PID1: variants seen among roughly 807,000 people sequenced by gnomAD.
PID1 encodes PTB-containing, cubilin and LRP1-interacting protein.
Under a neutral mutation model 19.1 loss-of-function variants are expected in PID1, and 10 were observed. The observed-to-expected ratio is 0.52, with a 90% CI of 0.32 to 0.89. The LOEUF (loss-of-function observed/expected upper bound fraction) is 0.89. Among genes scored for constraint, PID1 ranks in the 40% least tolerant of loss-of-function variants. The pLI is 0.03. For missense variants in PID1, 248 were observed against 285.3 expected, an observed-to-expected ratio of 0.87 and a Z score of 0.94; for synonymous variants, 130 against 116.0, an observed-to-expected ratio of 1.12 and a Z score of -0.78.
At chr2:229,071,028 T>A (rs1025152406) in intron 2 of PID1, among the ~76,000 whole-genome samples, 2 of 152,226 alleles carry the variant, frequency 1.3e-5, no homozygotes, top group East Asian at 3.8e-4. Context: ...TTATATCCCA[T>A]AAAGTAAATG....
At chr2:229,195,981 G>T (rs1485055359) in intron 1 of PID1, among the ~76,000 whole-genome samples, 1 of 152,010 alleles carries the variant, frequency 6.6e-6, no homozygotes, top group Non-Finnish European at 1.5e-5. Context: ...CCAACACTAA[G>T]AATCCAAGAA....
At chr2:229,157,186 G>A (rs1423461424) in intron 1 of PID1, among the ~76,000 whole-genome samples, 2 of 152,132 alleles carry the variant, frequency 1.3e-5, no homozygotes, top group Non-Finnish European at 2.9e-5. Flanking sequence ...CATCTTGAAA[G>A]TGGGAGGCCA....
chr2:229,226,474 CTT>C (rs1044314711), intron 1 of PID1, among the ~76,000 whole-genome samples: 2 of 152,212 alleles, frequency 1.3e-5, no homozygotes, highest in African/African-American at 4.8e-5. Flanking sequence ...CCTGACAAAA[CTT>C]AGCACAGGAT....
chr2:229,085,816 T>C (rs1011605192), intron 2 of PID1, among the ~76,000 whole-genome samples: 1 of 152,022 alleles, frequency 6.6e-6, no homozygotes, highest in Non-Finnish European at 1.5e-5. Context: ...TTAATCCACA[T>C]GATACTATAA....
intron 1 of PID1, among the ~76,000 whole-genome samples, chr2:229,220,826 T>G (rs1691951865): frequency 6.6e-6 from 1 of 152,186 alleles, no homozygotes; most frequent in African/African-American, 2.4e-5. Flanking sequence ...AGAAAGCTAT[T>G]TAGCTTAAAA....
At chr2:229,053,664 T>C (rs1297011155) in intron 2 of PID1, among the ~76,000 whole-genome samples, 1 of 152,230 alleles carries the variant, frequency 6.6e-6, no homozygotes, top group East Asian at 1.9e-4. Flanking sequence ...AGAAGTTAAC[T>C]TTTTGCTTTC....
At chr2:229,156,562 C>A (rs1246639087) in intron 1 of PID1, among the ~76,000 whole-genome samples, 1 of 152,110 alleles carries the variant, frequency 6.6e-6, no homozygotes, top group South Asian at 2.1e-4. Flanking sequence ...AGAATCCAAC[C>A]ACATTCAATT....
intron 1 of PID1, among the ~76,000 whole-genome samples, chr2:229,198,211 C>G (rs781196393): frequency 2.0e-5 from 3 of 151,978 alleles, no homozygotes; most frequent in Non-Finnish European, 4.4e-5. Context: ...AAACAAAACA[C>G]GTGAGGTTTT....
chr2:229,120,318 C>T (rs928762892), intron 2 of PID1, among the ~76,000 whole-genome samples: 4 of 151,900 alleles, frequency 2.6e-5, no homozygotes, highest in East Asian at 1.9e-4. Flanking sequence ...ATTTTGTATA[C>T]GTATTTCATT....
chr2:229,160,465 C>T (rs921994586), intron 1 of PID1, among the ~76,000 whole-genome samples: 4 of 152,226 alleles, frequency 2.6e-5, no homozygotes, highest in African/African-American at 9.6e-5. Context: ...CTCTTCTGAG[C>T]TTGTCTTCTC....
At chr2:229,140,135 T>C (rs75830389) in intron 2 of PID1, among the ~76,000 whole-genome samples, 4,143 of 152,288 alleles carry the variant, frequency 0.027, 209 homozygotes, top group African/African-American at 0.096. Context: ...TAGAATCACC[T>C]AGGTTGTGGA....
chr2:229,096,307 A>G (rs1418845247), intron 2 of PID1, among the ~76,000 whole-genome samples: 1 of 152,176 alleles, frequency 6.6e-6, no homozygotes, highest in African/African-American at 2.4e-5. Flanking sequence ...TTATATTCTC[A>G]TTTTACTAAG....
At chr2:229,137,642 AAAAT>A (rs1689883710) in intron 2 of PID1, among the ~76,000 whole-genome samples, 1 of 152,218 alleles carries the variant, frequency 6.6e-6, no homozygotes, top group African/African-American at 2.4e-5. Context: ...AAGACTTACA[AAAAT>A]AAATAAAGTA....
chr2:229,134,102 A>T (rs1689805023), intron 2 of PID1, among the ~76,000 whole-genome samples: 1 of 152,134 alleles, frequency 6.6e-6, no homozygotes, highest in African/African-American at 2.4e-5. Context: ...GTGGGGACAA[A>T]ATCATCCCAT....
rs560772515 is a variant in PID1, at chr2:229,186,259, G to A, written c.31-30295C>T. ...TCCCTCCTACCTGCTTTAGTGGGCT[G>A]GCATTGAGTGTCTGCTGCTTTTCCA... On this transcript the variant is annotated intron_variant, in intron 1 of 2. Transcript: ENST00000392055. Among the ~76,000 whole-genome samples the A allele has an allele frequency of 5.9e-5, 9 of 152,302 alleles. 1 individual carries two copies. In the South Asian group the frequency reaches 1.2e-3, roughly 21 times the overall value.
At chr2:229,224,032 T>C (rs1372878181) in intron 1 of PID1, among the ~76,000 whole-genome samples, 1 of 152,196 alleles carries the variant, frequency 6.6e-6, no homozygotes, top group African/African-American at 2.4e-5. Flanking sequence ...TAACATGTGG[T>C]ATTTGATTTT....
intron 2 of PID1, among the ~76,000 whole-genome samples, chr2:229,093,280 T>G (rs992949617): frequency 1.3e-5 from 2 of 151,946 alleles, no homozygotes; most frequent in Admixed American, 6.6e-5. Context: ...CATGCCACCA[T>G]GCCCAGCTAA....
intron 2 of PID1, among the ~76,000 whole-genome samples, chr2:229,115,442 G>A (rs1574641020): frequency 2.0e-5 from 3 of 147,098 alleles, no homozygotes; most frequent in Admixed American, 6.7e-5. Flanking sequence ...AAGAAATAAA[G>A]GAAAAAGAAA....
chr2:229,041,469 A>G (rs1217935023), intron 2 of PID1, among the ~76,000 whole-genome samples: 1 of 152,228 alleles, frequency 6.6e-6, no homozygotes, highest in Non-Finnish European at 1.5e-5. Flanking sequence ...AAAAGTTCCT[A>G]TACTAGAACA....
Sources: allele counts gnomAD v4.1 joint callset (sites outside exome capture counted in the v4.1 genomes callset), GRCh38; gene constraint gnomAD v4.1.1; transcripts MANE v1.5; gene names NCBI Gene and HGNC (gene_info 2026-07-23, HGNC 2026-07-21).